DLGAP2: variants seen among roughly 807,000 people sequenced by gnomAD.
The protein encoded by DLGAP2 is disks large-associated protein 2.
In DLGAP2, 26 loss-of-function variants were observed where a neutral mutation model predicts 100.3. The ratio of observed to expected loss-of-function variants is 0.26; its 90% CI spans 0.19 to 0.36. The LOEUF (loss-of-function observed/expected upper bound fraction) is 0.36. DLGAP2 is among the 10% of genes least tolerant of loss of function. DLGAP2 has a pLI of 1.00. For missense variants in DLGAP2, 1,858 were observed against 1,453.2 expected (o/e 1.28, Z -4.53); for synonymous variants, 886 against 630.1 (o/e 1.41, Z -6.08).
intron 1 of DLGAP2, among the ~76,000 whole-genome samples, chr8:807,862 G>C (rs758926135): frequency 1.3e-5 from 2 of 152,184 alleles, no homozygotes; most frequent in Admixed American, 6.5e-5. Context: ...AGGAAGGGAG[G>C]ATGGGGAGGA....
chr8:1,614,698 C>A (rs998769926), intron 6 of DLGAP2, among the ~76,000 whole-genome samples: 1 of 152,238 alleles, frequency 6.6e-6, no homozygotes, highest in Non-Finnish European at 1.5e-5. Flanking sequence ...TTGGCCAAGC[C>A]AAGGACAGTT....
intron 6 of DLGAP2, chr8:1,621,739 C>T (rs112632968): frequency 6.6e-6 from 1 of 151,200 alleles, no homozygotes; most frequent in Admixed American, 6.6e-5. Context: ...TCAAGGGTAT[C>T]GCATTTCCGA....
In DLGAP2 at chr8:1,239,875, GTGTCTAGTTCTCTCACATGGTGCCA is replaced by G. The variant is rs1464671191; in HGVS notation, c.74-18955_74-18931del. 1.2e-3 allele frequency among the ~76,000 whole-genome samples: 108 copies of G among 87,550 alleles called. 1 individual carries two copies. Among genetic ancestry groups the G allele is most frequent in the African/African-American group, 4.6e-3 (101 of 21,914 alleles). 57.4% of individuals were successfully genotyped at this position (87,550 alleles called of 152,430 possible). The stretch of plus-strand genomic sequence containing the variant: ...GTCTAGTTCTCTCTCACATGGCACC[GTGTCTAGTTCTCTCACATGGTGCCA>G]TGTCTAGTTCTCTCACATGGCACCG... On this transcript the variant is annotated intron_variant, in intron 2 of 14. Coordinates refer to ENST00000637795, the MANE Select transcript of DLGAP2 (RefSeq NM_001346810.2).
intron 2 of DLGAP2, among the ~76,000 whole-genome samples, chr8:1,210,697 G>A (rs1240917857): frequency 6.6e-6 from 1 of 152,176 alleles, no homozygotes; most frequent in Non-Finnish European, 1.5e-5. Context: ...TGAGGCCAAA[G>A]AAGGGAAACT....
chr8:1,527,700 A>C (rs765086274), intron 4 of DLGAP2, among the ~76,000 whole-genome samples: 5 of 152,202 alleles, frequency 3.3e-5, no homozygotes, highest in Non-Finnish European at 7.3e-5. Context: ...GCCTGTGTCT[A>C]TGCAGCATGC....
intron 3 of DLGAP2, among the ~76,000 whole-genome samples, chr8:1,275,575 C>T (rs1289697980): frequency 6.6e-6 from 1 of 150,886 alleles, no homozygotes; most frequent in Non-Finnish European, 1.5e-5. Flanking sequence ...CCCAGATCTT[C>T]ACAAAGACAA....
At chr8:1,142,134 G>A (rs983989078) in intron 2 of DLGAP2, among the ~76,000 whole-genome samples, 2 of 151,924 alleles carry the variant, frequency 1.3e-5, no homozygotes, top group African/African-American at 4.8e-5. Flanking sequence ...GAAATCTTTG[G>A]AAAGTAAATT....
chr8:1,673,326 G>T (rs1798735974), intron 10 of DLGAP2, among the ~76,000 whole-genome samples: 2 of 152,136 alleles, frequency 1.3e-5, no homozygotes, highest in Admixed American at 6.6e-5. Context: ...CCTTTCCATT[G>T]TATAAAATAA....
chr8:870,551 TC>T (rs1259193745), intron 1 of DLGAP2, among the ~76,000 whole-genome samples: 1 of 152,174 alleles, frequency 6.6e-6, no homozygotes, highest in African/African-American at 2.4e-5. Flanking sequence ...TCCTCTCACT[TC>T]CTGCTCTGTT....
intron 3 of DLGAP2, among the ~76,000 whole-genome samples, chr8:1,298,951 G>A (rs1800261955): frequency 6.6e-6 from 1 of 152,140 alleles, no homozygotes; most frequent in Non-Finnish European, 1.5e-5. Flanking sequence ...TCGAGCTGCG[G>A]CATTCACGTC....
At chr8:1,114,657 A>T (rs1395134606) in intron 2 of DLGAP2, among the ~76,000 whole-genome samples, 2 of 150,310 alleles carry the variant, frequency 1.3e-5, no homozygotes, top group South Asian at 2.1e-4. Context: ...GAACTCCTAG[A>T]TTCATTGATT....
At position 1,351,851 on chromosome 8, in the gene DLGAP2, C is replaced by T. The variant is rs796332167; in HGVS notation, c.106+92968C>T. Among the ~76,000 whole-genome samples, 17 of 44,698 alleles carry T rather than the reference C, an allele frequency of 3.8e-4. 1 individual carries two copies. The highest frequency in any genetic ancestry group is 1.8e-3 in the South Asian group (1 of 564). The allele number at this position is 44,698 out of a possible 152,430, so 29.3% of individuals were successfully genotyped here. On this transcript the variant is annotated intron_variant, in intron 3 of 14. Transcript: ENST00000637795. ...AAAGGCCATGCGGGTCCTGAGTGTG[C>T]GTGGAAAGGCCGTGCAGGTCCTGAC...
At chr8:1,655,232 G>T (rs1199537305) in intron 8 of DLGAP2, among the ~76,000 whole-genome samples, 2 of 152,198 alleles carry the variant, frequency 1.3e-5, no homozygotes, top group Admixed American at 1.3e-4. Context: ...TTATTCTTCT[G>T]TTTTGTGACT....
At chr8:1,231,050 C>G (rs1231085600) in intron 2 of DLGAP2, among the ~76,000 whole-genome samples, 1 of 152,150 alleles carries the variant, frequency 6.6e-6, no homozygotes, top group Non-Finnish European at 1.5e-5. Flanking sequence ...GCAAGAGAAA[C>G]TATCAACAGA....
At chr8:1,377,853 G>C (rs937864744) in intron 3 of DLGAP2, 1 of 152,320 alleles carries the variant, frequency 6.6e-6, no homozygotes, top group African/African-American at 2.4e-5. Flanking sequence ...GTGCCCGAGG[G>C]GAGGCCTGGA....
chr8:1,444,601 C>G (rs1481862302), intron 3 of DLGAP2, among the ~76,000 whole-genome samples: 1 of 152,066 alleles, frequency 6.6e-6, no homozygotes, highest in Non-Finnish European at 1.5e-5. Context: ...AGAACCCTCC[C>G]TCCACCTCCT....
At chr8:1,682,897 T>C (rs543597117) in intron 12 of DLGAP2, among the ~76,000 whole-genome samples, 2 of 151,776 alleles carry the variant, frequency 1.3e-5, no homozygotes, top group South Asian at 2.1e-4. Context: ...CCTAAACATA[T>C]GTTTGGTTTC....
chr8:984,469 C>T (rs1305893143), intron 2 of DLGAP2, among the ~76,000 whole-genome samples: 2 of 152,200 alleles, frequency 1.3e-5, no homozygotes, highest in Non-Finnish European at 2.9e-5. Context: ...AGGGGTTGGG[C>T]CTAGGTTTAT....
At chr8:1,610,455 A>C (rs1484682067) in intron 6 of DLGAP2, among the ~76,000 whole-genome samples, 1 of 148,982 alleles carries the variant, frequency 6.7e-6, no homozygotes, top group Admixed American at 6.7e-5. Flanking sequence ...CAAAATTGAC[A>C]CCCTAACATC....
Sources: allele counts gnomAD v4.1 joint callset (sites outside exome capture counted in the v4.1 genomes callset), GRCh38; gene constraint gnomAD v4.1.1; transcripts MANE v1.5; gene names NCBI Gene and HGNC (gene_info 2026-07-23, HGNC 2026-07-21).